COG6: variants seen among roughly 807,000 people sequenced by gnomAD.
COG6 encodes component of oligomeric golgi complex 6, also known as conserved oligomeric Golgi complex subunit 6.
COG6 carries 74 observed loss-of-function variants against 88.8 expected under a neutral mutation model. That is an observed-to-expected ratio of 0.83 (90% CI 0.69 to 1.01). The LOEUF (loss-of-function observed/expected upper bound fraction) is 1.01, where lower values mean the gene tolerates loss of function less well. Among genes scored for constraint, COG6 ranks in the 50% least tolerant of loss-of-function variants. The pLI is 0.00. For synonymous variants in COG6, 286 were observed against 278.7 expected (o/e 1.03, Z -0.26); for missense variants, 800 against 797.9 (o/e 1.00, Z -0.03).
downstream of COG6, among the ~76,000 whole-genome samples, chr13:39,753,638 A>C (rs992192901): frequency 6.6e-6 from 1 of 151,980 alleles, no homozygotes; most frequent in Non-Finnish European, 1.5e-5. Flanking sequence ...TTGAGATGTT[A>C]TCTCTCTTTC....
intron 18 of COG6, among the ~76,000 whole-genome samples, chr13:39,773,306 A>G (rs1001586744): frequency 6.6e-6 from 1 of 152,250 alleles, no homozygotes; most frequent in East Asian, 1.9e-4. Flanking sequence ...TTCCAAATCA[A>G]CTTCCTTGGT....
At chr13:39,710,814 A>T (rs1012483107) in intron 13 of COG6, among the ~76,000 whole-genome samples, 2 of 149,214 alleles carry the variant, frequency 1.3e-5, no homozygotes, top group African/African-American at 4.9e-5. Context: ...TTTTTTAAAT[A>T]GGGCAGTGAA....
chr13:39,672,496 A>G (rs1291055850), intron 4 of COG6, among the ~76,000 whole-genome samples: 1 of 151,980 alleles, frequency 6.6e-6, no homozygotes, highest in African/African-American at 2.4e-5. Context: ...CTTTCATGCA[A>G]ATAAGATCAT....
At chr13:39,778,117 A>G (rs981666848) in intron 18 of COG6, among the ~76,000 whole-genome samples, 1 of 152,220 alleles carries the variant, frequency 6.6e-6, no homozygotes, top group African/African-American at 2.4e-5. Context: ...TTTTCCTCCC[A>G]GCCTAAAAGG....
intron 8 of COG6, among the ~76,000 whole-genome samples, chr13:39,683,384 T>G (rs1262987675): frequency 2.6e-5 from 4 of 152,164 alleles, no homozygotes; most frequent in African/African-American, 4.8e-5. Flanking sequence ...GGCATTTTCC[T>G]AGAAGTAAAG....
chr13:39,762,804 CT>C (rs542069132), intron 18 of COG6, among the ~76,000 whole-genome samples: 104 of 103,912 alleles, frequency 1.0e-3, no homozygotes, highest in Non-Finnish European at 1.7e-3. Context: ...CCCTTTATTT[CT>C]TTTTCTTTTC....
rs527642843 is a variant in COG6 at position 39,719,267 on chromosome 13, G to A, written c.1316G>A (p.Ser439Asn). ...CTCCCACCACCTGATCTTGGACCAAGTTCTGCACTAAATCAGACACTCATG... is the reference window on the plus strand; with the variant it reads ...CTCCCACCACCTGATCTTGGACCAAATTCTGCACTAAATCAGACACTCATG... ...VELPPPDLGP[S>N]SALNQTLMLL... The change falls in exon 14 of 19, where the codon AGT (serine) becomes AAT (asparagine). Residue 439 changes from serine (S) to asparagine (N), a missense_variant. Physicochemically the swap from Ser to Asn is conservative, Grantham distance 46 (BLOSUM62 1). Transcript: ENST00000455146. 1.9e-6 allele frequency: 3 copies of A among 1,612,766 alleles called. No individual in the cohort carries two copies. The East Asian group carries it at 6.7e-5, about 36-fold the overall frequency.
chr13:39,762,067 A>G (rs747916848), intron 18 of COG6, among the ~76,000 whole-genome samples: 3 of 151,944 alleles, frequency 2.0e-5, no homozygotes, highest in Non-Finnish European at 4.4e-5. Flanking sequence ...TTTTACTCCA[A>G]TGTTTATTGC....
intron 8 of COG6, among the ~76,000 whole-genome samples, chr13:39,686,214 G>A (rs1008579548): frequency 6.6e-6 from 1 of 152,186 alleles, no homozygotes; most frequent in African/African-American, 2.4e-5. Context: ...GTAGAATACT[G>A]TTTAGAGATT....
Position 39,699,551 on chromosome 13 carries a change from T to A in COG6, c.1217T>A (p.Met406Lys), listed in dbSNP as rs1877457331. The change falls in exon 13 of 19, where the codon ATG becomes AAG. Residue 406 changes from methionine (M) to lysine (K), a missense_variant. Transcript: ENST00000455146. ...GCATTATTGACTACCATTGAAGAAA[T>A]GCATTTGCTAAGCAAAAAAATATTC... Reference protein sequence around the residue: ...ATALLTTIEEMHLLSKKIFFN... With the variant: ...ATALLTTIEEKHLLSKKIFFN... The A allele has an allele frequency of 6.3e-7, 1 of 1,598,886 alleles. No individual in the cohort carries two copies.
rs61141333 is a variant in COG6, at chr13:39,722,084, G to A, written c.1585-1249G>A. Among the ~76,000 whole-genome samples the A allele has an allele frequency of 4.3e-3, 646 of 151,964 alleles. 6 individuals carry two copies. The highest frequency in any genetic ancestry group is 0.015 in the African/African-American group (605 of 41,484). ...TGTCCTTGGTTGGTTTTATCTCACGGATCTGCCATCTAATTTCTTTTTAAA... is the reference window on the plus strand; with the variant it reads ...TGTCCTTGGTTGGTTTTATCTCACGAATCTGCCATCTAATTTCTTTTTAAA... On this transcript the variant is annotated intron_variant, in intron 15 of 18. Coordinates refer to ENST00000455146, the MANE Select transcript of COG6 (RefSeq NM_020751.3).
intron 15 of COG6, 52 bp from the exon 16 acceptor site, chr13:39,723,281 T>C: frequency 8.7e-7 from 1 of 1,145,896 alleles, no homozygotes; most frequent in Non-Finnish European, 1.3e-6. Context: ...CTGCATCTAC[T>C]CTCATCAGTG....
intron 4 of COG6, among the ~76,000 whole-genome samples, chr13:39,669,902 G>A (rs1268492240): frequency 6.6e-6 from 1 of 152,136 alleles, no homozygotes; most frequent in Non-Finnish European, 1.5e-5. Flanking sequence ...AAAATTGCAA[G>A]GCAGAAATTA....
In COG6 at chr13:39,751,948, G is replaced by A. The variant is rs1880658404; in HGVS notation, c.*855G>A. ...CAACCAACTACACATTTTATCTGGTGTTCAAACCAAAGAAACAATGATCTA... is the reference window on the plus strand; with the variant it reads ...CAACCAACTACACATTTTATCTGGTATTCAAACCAAAGAAACAATGATCTA... On this transcript the variant is annotated 3_prime_UTR_variant, in exon 19 of 19. Transcript: ENST00000455146. 1 of 1,223,006 alleles carries A rather than the reference G, an allele frequency of 8.2e-7. No individual in the cohort carries two copies. Among genetic ancestry groups the A allele is most frequent in the Non-Finnish European group, 1.1e-6 (1 of 930,362 alleles). The allele number at this position is 1,223,006 out of a possible 1,614,324, so 75.8% of individuals were successfully genotyped here. A position where few individuals can be genotyped will look rare whatever the true frequency, so the allele number is the denominator to read the frequency against.
chr13:39,786,075 G>C (rs1445257141), intron 18 of COG6, among the ~76,000 whole-genome samples: 1 of 152,146 alleles, frequency 6.6e-6, no homozygotes, highest in Non-Finnish European at 1.5e-5. Context: ...TCCAACAGCA[G>C]GAAACATAGG....
chr13:39,670,147 T>G (rs1875530531), intron 4 of COG6, among the ~76,000 whole-genome samples: 1 of 152,134 alleles, frequency 6.6e-6, no homozygotes, highest in African/African-American at 2.4e-5. Context: ...CTCTAATAGA[T>G]AAAGCTTAAT....
chr13:39,700,268 A>G (rs770083212), intron 13 of COG6, among the ~76,000 whole-genome samples: 6 of 151,798 alleles, frequency 4.0e-5, no homozygotes, highest in Non-Finnish European at 7.4e-5. Context: ...TTTTAATTGT[A>G]CTACTCTATC....
intron 18 of COG6, among the ~76,000 whole-genome samples, chr13:39,784,499 C>T (rs561302057): frequency 1.3e-5 from 2 of 152,302 alleles, no homozygotes; most frequent in African/African-American, 4.8e-5. Context: ...CTGAAGTTCA[C>T]AAGGAGTTCA....
intron 17 of COG6, 46 bp from the exon 18 acceptor site, chr13:39,727,423 A>G (rs768095845): frequency 5.8e-6 from 8 of 1,367,866 alleles, no homozygotes; most frequent in Non-Finnish European, 8.4e-6. Flanking sequence ...GTTGTTTGTT[A>G]GCACATATAT....
Sources: allele counts gnomAD v4.1 joint callset (sites outside exome capture counted in the v4.1 genomes callset), GRCh38; gene constraint gnomAD v4.1.1; transcripts MANE v1.5; gene names NCBI Gene and HGNC (gene_info 2026-07-23, HGNC 2026-07-21).